ZZEF1: variants seen among roughly 807,000 people sequenced by gnomAD.
ZZEF1 encodes zinc finger ZZ-type and EF-hand domain-containing protein 1.
In ZZEF1, 157 loss-of-function variants were observed where a neutral mutation model predicts 342.8. The ratio of observed to expected loss-of-function variants is 0.46; its 90% CI spans 0.40 to 0.52. The LOEUF (loss-of-function observed/expected upper bound fraction) is 0.52. Among genes scored for constraint, ZZEF1 ranks in the 20% least tolerant of loss-of-function variants. The pLI is 0.00. For missense variants in ZZEF1, 3,480 were observed against 3,725.6 expected, an observed-to-expected ratio of 0.93 and a Z score of 1.72; for synonymous variants, 1,505 against 1,429.1, an observed-to-expected ratio of 1.05 and a Z score of -1.20.
intron 9 of ZZEF1, among the ~76,000 whole-genome samples, chr17:4,100,506 A>G (rs1212199833): frequency 2.0e-5 from 3 of 152,212 alleles, no homozygotes; most frequent in Non-Finnish European, 2.9e-5. Flanking sequence ...CACAGGGAAA[A>G]TAACAAAATA....
chr17:4,022,297 G>A (rs1045627685), intron 44 of ZZEF1: 1 of 163,474 alleles, frequency 6.1e-6, no homozygotes, highest in Non-Finnish European at 1.3e-5. Flanking sequence ...AAAACTCTAA[G>A]GTCTACGGGG....
intron 5 of ZZEF1, among the ~76,000 whole-genome samples, chr17:4,110,650 T>G (rs1274438896): frequency 1.3e-5 from 2 of 151,428 alleles, no homozygotes; most frequent in African/African-American, 4.9e-5. Flanking sequence ...AAGGTTATAA[T>G]GGTATAAAAT....
rs192296965 is a variant in ZZEF1 at position 4,046,026 on chromosome 17, A to G, written c.6016-1652T>C. On this transcript the variant is annotated intron_variant, in intron 37 of 54. Transcript: ENST00000381638. ...GTATTTTTAGTAGAGATGAGGTTTC[A>G]CTGTGTTAGCCAGGATGGTCTTGAT... is the stretch of plus-strand genomic sequence containing the variant. 2.2e-4 allele frequency among the ~76,000 whole-genome samples: 33 copies of G among 152,092 alleles called. 1 individual carries two copies. The East Asian group carries it at 4.1e-3, about 19-fold the overall frequency.
rs748980314 is a variant in ZZEF1, at chr17:4,032,260, T to C, written c.6760-2A>G. ...GCAGCGGGTTCCCACACAGAGGACC[T>C]AGAACGTGGTAGACAGAGACAGAAA... On this transcript the variant is annotated splice_acceptor_variant, in intron 41 of 54. Coordinates refer to ENST00000381638, the MANE Select transcript of ZZEF1 (RefSeq NM_015113.4). LOFTEE classifies it high-confidence loss of function. 1.2e-6 allele frequency: 2 copies of C among 1,607,856 alleles called. No homozygotes were observed. Among genetic ancestry groups the C allele is most frequent in the Non-Finnish European group, 1.7e-6 (2 of 1,178,420 alleles).
At chr17:4,011,544 G>T (rs996765814) in intron 52 of ZZEF1, among the ~76,000 whole-genome samples, 5 of 148,066 alleles carry the variant, frequency 3.4e-5, no homozygotes, top group East Asian at 2.0e-4. Flanking sequence ...GAACTGAGGG[G>T]TTTTTTTTTT....
rs1417568454 is a variant in ZZEF1 at position 4,014,415 on chromosome 17, C to G, written c.8246G>C (p.Ser2749Thr). The G allele has an allele frequency of 1.2e-6, 2 of 1,614,248 alleles. No homozygotes were observed. Among genetic ancestry groups the G allele is most frequent in the Admixed American group, 1.7e-5 (1 of 60,028 alleles). The change falls in exon 50 of 55, where the codon AGT (serine) becomes ACT (threonine). Residue 2749 changes from serine (S) to threonine (T), a missense_variant. Transcript: ENST00000381638. The surrounding 1 kb of genome is among the most constrained non-coding windows in gnomAD (Gnocchi z 4.4). ...GCDELAMSSSSDFQQDRHSFS... is the reference protein window; with the variant it reads ...GCDELAMSSSTDFQQDRHSFS... Reference sequence around the variant, plus strand: ...GCTGTGTCGGTCTTGCTGGAAGTCACTGCTGCTGGACATGGCTAACTCGTC... The same window carrying G: ...GCTGTGTCGGTCTTGCTGGAAGTCAGTGCTGCTGGACATGGCTAACTCGTC...
chr17:4,142,927 G>C lies in ZZEF1; in HGVS notation c.-32C>G, dbSNP rs928858595. On this transcript the variant is annotated 5_prime_UTR_variant, in exon 1 of 55. Coordinates refer to ENST00000381638, the MANE Select transcript of ZZEF1 (RefSeq NM_015113.4). The stretch of plus-strand genomic sequence containing the variant: ...TCCGTCTTGGGCGCCTGGCTCTGCA[G>C]CCGCCGCCGCCGCCTCCCCGCCTCG... 4 of 1,290,888 alleles carry C rather than the reference G, an allele frequency of 3.1e-6. No homozygotes were observed. In the Admixed American group the frequency reaches 1.3e-4, roughly 41 times the overall value. The allele number at this position is 1,290,888 out of a possible 1,614,324, so 80.0% of individuals were successfully genotyped here.
chr17:4,098,699 G>A (rs35586982), intron 9 of ZZEF1, among the ~76,000 whole-genome samples: 25,364 of 152,022 alleles, frequency 0.17, 2,171 homozygotes, highest in East Asian at 0.18. Flanking sequence ...CATGCTTCCT[G>A]TTTCATTACA....
In ZZEF1 at chr17:4,064,179, C is replaced by T. The variant is rs552369753; in HGVS notation, c.4718+182G>A. Among the ~76,000 whole-genome samples, 213 of 151,100 alleles carry T rather than the reference C, an allele frequency of 1.4e-3. 1 individual carries two copies. Among genetic ancestry groups the T allele is most frequent in the African/African-American group, 4.9e-3 (200 of 40,890 alleles). Reference sequence around the variant, plus strand: ...TATAGGCATGAATCACCGTGCCCACCCAAAAATTACTTCTTTAAAGAAAAA... The same window carrying T: ...TATAGGCATGAATCACCGTGCCCACTCAAAAATTACTTCTTTAAAGAAAAA... On this transcript the variant is annotated intron_variant, in intron 29 of 54. Coordinates refer to ENST00000381638, the MANE Select transcript of ZZEF1 (RefSeq NM_015113.4).
rs570684631 is a variant in ZZEF1 at position 4,098,301 on chromosome 17, A to G, written c.1673-1601T>C. Among the ~76,000 whole-genome samples, 468 of 151,204 alleles carry G rather than the reference A, an allele frequency of 3.1e-3. 1 individual carries two copies. Among genetic ancestry groups the G allele is most frequent in the African/African-American group, 0.011 (438 of 41,248 alleles). ...GTGGTGCACACCTGCAATCCTAGCTACTTGGGAGGCCAGGGTGGGAGGATC... is the reference window on the plus strand; with the variant it reads ...GTGGTGCACACCTGCAATCCTAGCTGCTTGGGAGGCCAGGGTGGGAGGATC... On this transcript the variant is annotated intron_variant, in intron 9 of 54. Coordinates refer to ENST00000381638, the MANE Select transcript of ZZEF1 (RefSeq NM_015113.4).
At chr17:4,094,854 A>C (rs748920829) in intron 11 of ZZEF1, among the ~76,000 whole-genome samples, 1 of 152,144 alleles carries the variant, frequency 6.6e-6, no homozygotes, top group Non-Finnish European at 1.5e-5. Flanking sequence ...CTTCCTAGGC[A>C]ATAAGTGACA....
At chr17:4,079,633 G>A (rs1465361413) in intron 18 of ZZEF1, among the ~76,000 whole-genome samples, 2 of 152,128 alleles carry the variant, frequency 1.3e-5, no homozygotes, top group Non-Finnish European at 2.9e-5. Flanking sequence ...TAAAGTCAAC[G>A]TTACCCTAGA....
chr17:4,022,566 A>G (rs1385855480), intron 44 of ZZEF1, 143 bp downstream of exon 44: 3 of 1,129,406 alleles, frequency 2.7e-6, no homozygotes, highest in Non-Finnish European at 3.8e-6. Flanking sequence ...TCCAACAGGG[A>G]ATACAGAAGC....
chr17:4,086,344 C>T (rs900389608), intron 15 of ZZEF1, 142 bp downstream of exon 15: 3 of 59,680 alleles, frequency 5.0e-5, no homozygotes, highest in Non-Finnish European at 8.3e-5. Context: ...ATTCCCACAG[C>T]GGCAATCCCT....
intron 26 of ZZEF1, among the ~76,000 whole-genome samples, chr17:4,067,912 C>G (rs2057432852): frequency 6.6e-6 from 1 of 151,940 alleles, no homozygotes; most frequent in Admixed American, 6.6e-5. Context: ...GACTCTGTCT[C>G]TACAAAAAAT....
intron 39 of ZZEF1, among the ~76,000 whole-genome samples, chr17:4,038,755 G>A (rs991569319): frequency 1.3e-5 from 2 of 152,002 alleles, no homozygotes; most frequent in African/African-American, 4.8e-5. Context: ...GCAGTGAGCC[G>A]AGATTGCTCC....
In ZZEF1 at chr17:4,014,643, C is replaced by T; in HGVS notation, c.8146-128G>A. On this transcript the variant is annotated intron_variant, in intron 49 of 54. Transcript: ENST00000381638. This position sits in a 1 kb window ranked among gnomAD's most constrained non-coding sequence, Gnocchi z 4.4. ...ATGAGTGAACCACAGCCCTGGCCTCCAGGAGTGCAGAGTCCAGCTAGGGCG... is the reference window on the plus strand; with the variant it reads ...ATGAGTGAACCACAGCCCTGGCCTCTAGGAGTGCAGAGTCCAGCTAGGGCG... The T allele has an allele frequency of 1.0e-6, 1 of 960,832 alleles. No individual in the cohort carries two copies. The highest frequency in any genetic ancestry group is 1.6e-6 in the Non-Finnish European group (1 of 620,538). 59.5% of individuals were successfully genotyped at this position (960,832 alleles called of 1,614,324 possible).
chr17:4,043,457 CCCG>C (rs1183919228), intron 38 of ZZEF1, among the ~76,000 whole-genome samples: 2 of 152,178 alleles, frequency 1.3e-5, no homozygotes, highest in Admixed American at 6.5e-5. Context: ...AGGTGCTCAC[CCCG>C]CCATCACAGA....
chr17:4,060,346 A>G (rs1166127687), intron 30 of ZZEF1, among the ~76,000 whole-genome samples: 1 of 152,104 alleles, frequency 6.6e-6, no homozygotes, highest in African/African-American at 2.4e-5. Flanking sequence ...GGGCGGATCA[A>G]TTGAGGTCAG....
Sources: allele counts gnomAD v4.1 joint callset (sites outside exome capture counted in the v4.1 genomes callset), GRCh38; gene constraint gnomAD v4.1.1; non-coding constraint Gnocchi (gnomAD v3.1); transcripts MANE v1.5; gene names NCBI Gene and HGNC (gene_info 2026-07-23, HGNC 2026-07-21).